SMARCAL1: variants seen among roughly 807,000 people sequenced by gnomAD.
The protein encoded by SMARCAL1 is SNF2 related chromatin remodeling annealing helicase 1.
In SMARCAL1, 58 loss-of-function variants were observed where a neutral mutation model predicts 94.5. That is an observed-to-expected ratio of 0.61 (90% CI 0.50 to 0.76). The LOEUF (loss-of-function observed/expected upper bound fraction) is 0.76, where lower values mean the gene tolerates loss of function less well. Ranked by LOEUF, SMARCAL1 falls within the 30% of genes least tolerant of loss-of-function variation. The pLI is 0.00. For synonymous variants in SMARCAL1, 422 were observed against 455.1 expected, an observed-to-expected ratio of 0.93 and a Z score of 0.93; for missense variants, 1,051 against 1,177.9, an observed-to-expected ratio of 0.89 and a Z score of 1.58.
At position 216,420,392 on chromosome 2, in the gene SMARCAL1, A is replaced by G; in HGVS notation, c.956A>G (p.Gln319Arg). The part of the protein sequence containing the change: ...SESPSTSSEG[Q>R]AGLPSAPSLS... The stretch of plus-strand genomic sequence containing the variant: ...TCACCCTCCACCAGCAGTGAGGGAC[A>G]GGCCGGCCTTCCATCAGCTCCATCC... The change falls in exon 5 of 18, where the codon CAG (glutamine) becomes CGG (arginine). Residue 319 changes from glutamine (Q) to arginine (R), a missense_variant. Gln to Arg is a conservative substitution (Grantham distance 43, BLOSUM62 1). Coordinates refer to ENST00000357276, the MANE Select transcript of SMARCAL1 (RefSeq NM_014140.4). 6.2e-7 allele frequency: 1 copy of G among 1,614,218 alleles called. No individual in the cohort carries two copies. The highest frequency in any genetic ancestry group is 8.5e-7 in the Non-Finnish European group (1 of 1,180,016).
At chr2:216,414,497 G>A (rs971162325) in intron 2 of SMARCAL1, 150 bp from the exon 3 acceptor site, 2 of 587,730 alleles carry the variant, frequency 3.4e-6, no homozygotes, top group African/African-American at 1.9e-5. Context: ...TACTATTTCA[G>A]TGTGTGTGCA....
chr2:216,425,019 A>G (rs1000474438), intron 6 of SMARCAL1, among the ~76,000 whole-genome samples: 3 of 152,190 alleles, frequency 2.0e-5, no homozygotes, highest in Non-Finnish European at 4.4e-5. Context: ...CCCAGGCTCA[A>G]GCGATTGTCC....
At chr2:216,421,486 T>C (rs934666663) in intron 5 of SMARCAL1, among the ~76,000 whole-genome samples, 2 of 151,978 alleles carry the variant, frequency 1.3e-5, no homozygotes, top group African/African-American at 4.8e-5. Context: ...TTAGTAGAAG[T>C]AAGGTTTCAT....
chr2:216,426,801 T>G (rs1693843076), intron 6 of SMARCAL1, among the ~76,000 whole-genome samples: 1 of 152,338 alleles, frequency 6.6e-6, no homozygotes, highest in South Asian at 2.1e-4. Context: ...ACCTGGGGAA[T>G]GCGCACCTCC....
intron 17 of SMARCAL1, among the ~76,000 whole-genome samples, chr2:216,480,401 C>T (rs948890677): frequency 2.4e-4 from 37 of 152,116 alleles, no homozygotes; most frequent in Non-Finnish European, 1.0e-4. Context: ...ATGCATGCCC[C>T]GAGTCAGCAT....
chr2:216,448,521 A>C (rs890521351), intron 11 of SMARCAL1, among the ~76,000 whole-genome samples: 4 of 152,150 alleles, frequency 2.6e-5, no homozygotes, highest in African/African-American at 9.7e-5. Flanking sequence ...ATTATCTTTG[A>C]ATTCTCCTTT....
chr2:216,469,799 C>T (rs1221784927), intron 14 of SMARCAL1, among the ~76,000 whole-genome samples: 1 of 152,134 alleles, frequency 6.6e-6, no homozygotes, highest in Non-Finnish European at 1.5e-5. Context: ...TAAATGTTGT[C>T]AAATTGCTCT....
At chr2:216,424,959 C>T (rs1473277985) in intron 6 of SMARCAL1, among the ~76,000 whole-genome samples, 1 of 152,118 alleles carries the variant, frequency 6.6e-6, no homozygotes, top group African/African-American at 2.4e-5. Flanking sequence ...CTCGCTGTCA[C>T]CCAGGCTGGA....
At chr2:216,441,376 A>AT (rs1432382215) in intron 10 of SMARCAL1, among the ~76,000 whole-genome samples, 1 of 152,206 alleles carries the variant, frequency 6.6e-6, no homozygotes. Context: ...AGGTAAATCT[A>AT]TTTTTATATA....
rs984187813 is a variant in SMARCAL1 at position 216,412,587 on chromosome 2, C to G, written c.-157C>G. ...GAAGACCGGTCCCGCTCGGGAGGCT[C>G]TGCAGTCGCGCCTGGGGTCAGGGCC... On this transcript the variant is annotated 5_prime_UTR_variant, in exon 1 of 18. Coordinates refer to ENST00000357276, the MANE Select transcript of SMARCAL1 (RefSeq NM_014140.4). 4 of 152,438 alleles carry G rather than the reference C, an allele frequency of 2.6e-5. No individual in the cohort carries two copies. The highest frequency in any genetic ancestry group is 9.6e-5 in the African/African-American group (4 of 41,474). The allele number at this position is 152,438 out of a possible 1,614,324, so 9.4% of individuals were successfully genotyped here.
intron 3 of SMARCAL1, 58 bp downstream of exon 3, chr2:216,415,573 T>C (rs902596758): frequency 1.4e-6 from 2 of 1,415,746 alleles, no homozygotes; most frequent in Non-Finnish European, 2.0e-6. Flanking sequence ...GGAGTCTCTT[T>C]TAATCTAACA....
chr2:216,416,613 A>T (rs1693608935), intron 4 of SMARCAL1, among the ~76,000 whole-genome samples: 1 of 152,240 alleles, frequency 6.6e-6, no homozygotes, highest in African/African-American at 2.4e-5. Context: ...ACTGAGGCCC[A>T]GGGACGATGA....
chr2:216,437,783 A>ATAT (rs1444689396), intron 9 of SMARCAL1, among the ~76,000 whole-genome samples: 1 of 151,776 alleles, frequency 6.6e-6, no homozygotes, highest in African/African-American at 2.4e-5. Flanking sequence ...AAGAAAAACA[A>ATAT]ACTATATATA....
At chr2:216,419,004 G>T (rs1693659727) in intron 4 of SMARCAL1, among the ~76,000 whole-genome samples, 1 of 152,118 alleles carries the variant, frequency 6.6e-6, no homozygotes, top group Admixed American at 6.6e-5. Flanking sequence ...TTAAATTGTT[G>T]TTGTTTATTT....
In SMARCAL1 at chr2:216,477,413, G is replaced by A. The variant is rs566047031; in HGVS notation, c.2528+204G>A. Reference sequence around the variant, plus strand: ...AGCGTTCACTGGTGGCTTGCAGGGTGCATGCTGAATCTTATAGCAATAAGG... The same window carrying A: ...AGCGTTCACTGGTGGCTTGCAGGGTACATGCTGAATCTTATAGCAATAAGG... On this transcript the variant is annotated intron_variant, in intron 16 of 17. Coordinates refer to ENST00000357276, the MANE Select transcript of SMARCAL1 (RefSeq NM_014140.4). Among the ~76,000 whole-genome samples, 4 of 152,334 alleles carry A rather than the reference G, an allele frequency of 2.6e-5. 1 individual carries two copies. Among genetic ancestry groups the A allele is most frequent in the African/African-American group, 9.6e-5 (4 of 41,584 alleles).
intron 2 of SMARCAL1, 28 bp downstream of exon 2, chr2:216,413,920 C>T (rs183140591): frequency 6.6e-6 from 1 of 152,182 alleles, no homozygotes; most frequent in Non-Finnish European, 1.5e-5. Context: ...CTATTTCAGT[C>T]TAATCTATTA....
chr2:216,443,843 G>T (rs1442448436), intron 10 of SMARCAL1, among the ~76,000 whole-genome samples: 5 of 152,146 alleles, frequency 3.3e-5, no homozygotes, highest in African/African-American at 9.7e-5. Context: ...TTGTTTTGGG[G>T]GGCACCACTC....
chr2:216,420,128 A>G (rs913146525), intron 4 of SMARCAL1, among the ~76,000 whole-genome samples, 171 bp from the exon 5 acceptor site: 2 of 152,022 alleles, frequency 1.3e-5, no homozygotes, highest in African/African-American at 4.8e-5. Flanking sequence ...CAACTAAAAA[A>G]CACTTTCAAG....
chr2:216,474,541 G>A (rs187934869), intron 14 of SMARCAL1, among the ~76,000 whole-genome samples: 8,853 of 149,606 alleles, frequency 0.059, 845 homozygotes, highest in African/African-American at 0.21. Flanking sequence ...GATCACCTGA[G>A]ATCAGGAGTT....
Sources: allele counts gnomAD v4.1 joint callset (sites outside exome capture counted in the v4.1 genomes callset), GRCh38; gene constraint gnomAD v4.1.1; transcripts MANE v1.5; gene names NCBI Gene and HGNC (gene_info 2026-07-23, HGNC 2026-07-21).